Variants in METRNL observed in about 807,000 individuals in gnomAD.
The protein encoded by METRNL is meteorin like, glial cell differentiation regulator, also known as meteorin-like protein.
A neutral mutation model predicts 17.4 loss-of-function variants in METRNL; 9 were observed. The ratio of observed to expected loss-of-function variants is 0.52; its 90% CI spans 0.31 to 0.90. The LOEUF (loss-of-function observed/expected upper bound fraction) is 0.90, where lower values mean the gene tolerates loss of function less well. Among genes scored for constraint, METRNL ranks in the 40% least tolerant of loss-of-function variants. The pLI is 0.05. For synonymous variants in METRNL, 215 were observed against 199.3 expected (o/e 1.08, Z -0.66); for missense variants, 408 against 430.7 (o/e 0.95, Z 0.47).
chr17:83,081,100 C>G (rs1165416568), intron 1 of METRNL, among the ~76,000 whole-genome samples: 1 of 151,784 alleles, frequency 6.6e-6, no homozygotes, highest in African/African-American at 2.4e-5. Context: ...AGAGTCGCCC[C>G]GAGGGCCGTG....
At chr17:83,085,868 C>T (rs143004127) in intron 2 of METRNL, among the ~76,000 whole-genome samples, 435 of 152,314 alleles carry the variant, frequency 2.9e-3, no homozygotes, top group African/African-American at 6.8e-3. Flanking sequence ...CTGAAACGTC[C>T]ATTTTTGGGT....
rs536220963 is a variant in METRNL at position 83,080,872 on chromosome 17, C to G, written c.170+887C>G. ...CCCTCGGCGCGGCCCCCGCCCCCGC[C>G]CCCGCCCCCGCCGCGGGCCGAGTCA... On this transcript the variant is annotated intron_variant, in intron 1 of 3. Transcript: ENST00000320095. 3.6e-3 allele frequency among the ~76,000 whole-genome samples: 540 copies of G among 151,142 alleles called. 5 individuals are homozygous for G. The highest frequency in any genetic ancestry group is 0.013 in the African/African-American group (525 of 41,352).
At chr17:83,093,130 G>A (rs752607756) in intron 2 of METRNL, 37 bp from the exon 3 acceptor site, 35 of 1,589,668 alleles carry the variant, frequency 2.2e-5, no homozygotes, top group South Asian at 1.1e-4. Context: ...AGCCTGTCCC[G>A]TCCAGGCTGC....
intron 2 of METRNL, among the ~76,000 whole-genome samples, chr17:83,089,761 C>T (rs531217241): frequency 1.2e-4 from 19 of 152,268 alleles, no homozygotes; most frequent in East Asian, 3.9e-4. Flanking sequence ...CGTCCACCGG[C>T]GTCCACCCTG....
At chr17:83,094,066 C>T (rs1431777498) in intron 3 of METRNL, among the ~76,000 whole-genome samples, 190 bp from the exon 4 acceptor site, 1 of 152,230 alleles carries the variant, frequency 6.6e-6, no homozygotes, top group South Asian at 2.1e-4. Flanking sequence ...GTCTAAGTAT[C>T]TGGGACACCC....
chr17:83,085,722 C>A (rs2038045281), intron 2 of METRNL, among the ~76,000 whole-genome samples: 1 of 152,222 alleles, frequency 6.6e-6, no homozygotes, highest in Admixed American at 6.5e-5. Context: ...TGAGCATCCC[C>A]CTGTGGCGGC....
chr17:83,085,782 A>G (rs72854242), intron 2 of METRNL, among the ~76,000 whole-genome samples: 20,603 of 152,102 alleles, frequency 0.14, 2,317 homozygotes, highest in African/African-American at 0.31. Context: ...ATCGTGTAGC[A>G]CCTTTGAAAC....
In METRNL at chr17:83,079,756, T is replaced by A; in HGVS notation, c.-60T>A. On this transcript the variant is annotated 5_prime_UTR_variant, in exon 1 of 4. Coordinates refer to ENST00000320095, the MANE Select transcript of METRNL (RefSeq NM_001004431.3). The stretch of plus-strand genomic sequence containing the variant: ...CCCCGCCCCCGCCCGGCTCGCCGGC[T>A]CCGGGGTCTGCTCCGGGGGTCGCGG... 1 of 837,720 alleles carries A rather than the reference T, an allele frequency of 1.2e-6. No individual in the cohort carries two copies. The highest frequency in any genetic ancestry group is 1.4e-6 in the Non-Finnish European group (1 of 702,418). The allele number at this position is 837,720 out of a possible 1,614,324, so 51.9% of individuals were successfully genotyped here.
intron 1 of METRNL, 110 bp from the exon 2 acceptor site, chr17:83,084,828 A>G (rs2038030761): frequency 3.5e-6 from 5 of 1,419,210 alleles, no homozygotes; most frequent in Admixed American, 4.2e-5. Flanking sequence ...GGGTGGGTCC[A>G]GGAGCCGCCA....
chr17:83,088,599 G>A (rs1387909942), intron 2 of METRNL, among the ~76,000 whole-genome samples: 1 of 152,168 alleles, frequency 6.6e-6, no homozygotes, highest in Non-Finnish European at 1.5e-5. Flanking sequence ...GTGGACACAG[G>A]CAGTGGGAGG....
chr17:83,080,966 C>T (rs1003496160), intron 1 of METRNL, among the ~76,000 whole-genome samples: 2 of 151,476 alleles, frequency 1.3e-5, no homozygotes, highest in Non-Finnish European at 2.9e-5. Flanking sequence ...CGGGTGGTGT[C>T]CGCGGGGCGG....
chr17:83,093,607 C>T (rs1420037568), intron 3 of METRNL, among the ~76,000 whole-genome samples: 1 of 152,182 alleles, frequency 6.6e-6, no homozygotes, highest in Non-Finnish European at 1.5e-5. Context: ...ACACTCCTTG[C>T]CCCCCACCAG....
intron 1 of METRNL, chr17:83,083,985 G>A (rs1024509145): frequency 8.5e-5 from 13 of 152,198 alleles, no homozygotes; most frequent in Non-Finnish European, 1.3e-4. Flanking sequence ...GTTGAGAAGC[G>A]TGAGGGTTTT....
At chr17:83,088,147 C>T (rs2038074340) in intron 2 of METRNL, among the ~76,000 whole-genome samples, 1 of 152,216 alleles carries the variant, frequency 6.6e-6, no homozygotes. Flanking sequence ...ATTTGGCTGA[C>T]TACGGGCAGG....
At chr17:83,092,898 C>G (rs936735204) in intron 2 of METRNL, among the ~76,000 whole-genome samples, 2 of 152,152 alleles carry the variant, frequency 1.3e-5, no homozygotes, top group African/African-American at 4.8e-5. Context: ...GGCCGAGGTG[C>G]AGGTGCCTTT....
chr17:83,084,866 G>A, intron 1 of METRNL, 72 bp from the exon 2 acceptor site: 2 of 1,534,274 alleles, frequency 1.3e-6, no homozygotes, highest in Non-Finnish European at 1.8e-6. Flanking sequence ...CGTCCTCACT[G>A]ACTCTCTGTG....
At chr17:83,091,050 C>A (rs1164471246) in intron 2 of METRNL, among the ~76,000 whole-genome samples, 1 of 152,116 alleles carries the variant, frequency 6.6e-6, no homozygotes, top group Non-Finnish European at 1.5e-5. Context: ...GGTCAGGAGG[C>A]CCCCGTGGTG....
chr17:83,090,988 C>T (rs536865358), intron 2 of METRNL, among the ~76,000 whole-genome samples: 47 of 152,244 alleles, frequency 3.1e-4, no homozygotes, highest in South Asian at 1.0e-3. Flanking sequence ...CAAGGGTGGG[C>T]CACACCCCGG....
intron 2 of METRNL, among the ~76,000 whole-genome samples, chr17:83,089,384 C>T (rs2038089742): frequency 6.6e-6 from 1 of 152,196 alleles, no homozygotes; most frequent in South Asian, 2.1e-4. Flanking sequence ...GTGTGAGTCC[C>T]TCTGGCTGTC....
Sources: gnomAD v4.1 joint callset for allele counts (sites outside exome capture counted in the v4.1 genomes callset) on GRCh38, gnomAD v4.1.1 for gene constraint, MANE v1.5 for transcripts, NCBI Gene and HGNC (gene_info 2026-07-23, HGNC 2026-07-21) for gene names.